Variants in MED15 observed in about 807,000 individuals in gnomAD.
MED15 encodes mediator of RNA polymerase II transcription subunit 15.
A neutral mutation model predicts 118.7 loss-of-function variants in MED15; 41 were observed. The observed-to-expected ratio is 0.35, with a 90% CI of 0.27 to 0.45. The LOEUF is 0.45. Among genes scored for constraint, MED15 ranks in the 20% least tolerant of loss-of-function variants. MED15 has a pLI of 1.00. For missense variants in MED15, 740 were observed against 1,025.5 expected, an observed-to-expected ratio of 0.72 and a Z score of 3.80; for synonymous variants, 436 against 413.9, an observed-to-expected ratio of 1.05 and a Z score of -0.65.
intron 1 of MED15, among the ~76,000 whole-genome samples, chr22:20,519,690 G>A (rs2054380930): frequency 6.6e-6 from 1 of 152,084 alleles, no homozygotes; most frequent in Non-Finnish European, 1.5e-5. Context: ...TCTGACCTCA[G>A]GTGATCTGCC....
intron 1 of MED15, among the ~76,000 whole-genome samples, chr22:20,536,374 A>G (rs2055082269): frequency 6.6e-6 from 1 of 151,900 alleles, no homozygotes; most frequent in African/African-American, 2.4e-5. Context: ...TGGGTGGGGC[A>G]GCATGTGCTG....
At chr22:20,551,396 C>T (rs760662341) in intron 2 of MED15, 40 bp from the exon 3 acceptor site, 2 of 1,595,330 alleles carry the variant, frequency 1.3e-6, no homozygotes, top group Non-Finnish European at 1.7e-6. Context: ...GACTGCGCTT[C>T]TTCATCTGGT....
intron 1 of MED15, chr22:20,523,576 C>T: frequency 1.2e-6 from 1 of 863,584 alleles, no homozygotes; most frequent in Non-Finnish European, 1.4e-6. Context: ...TCGAGCTTCC[C>T]CACCCCCACC....
At chr22:20,542,894 G>C (rs928889263) in intron 2 of MED15, among the ~76,000 whole-genome samples, 2 of 152,124 alleles carry the variant, frequency 1.3e-5, no homozygotes, top group African/African-American at 4.8e-5. Flanking sequence ...TGATTGAGGG[G>C]ATTCATGAGT....
At chr22:20,507,776 T>C in intron 1 of MED15, 30 bp downstream of exon 1, 2 of 1,613,546 alleles carry the variant, frequency 1.2e-6, no homozygotes, top group African/African-American at 1.3e-5. Context: ...GGGGGCTGGA[T>C]TGTGGGACCT....
chr22:20,583,102 G>C lies in MED15; in HGVS notation c.1538-11G>C. ...TCGAGGGCTGTGGCCTCACCCGCCTGTGTCCTGCAGTGAACCCCAGCTCTG... is the reference window on the plus strand; with the variant it reads ...TCGAGGGCTGTGGCCTCACCCGCCTCTGTCCTGCAGTGAACCCCAGCTCTG... On this transcript the variant is annotated splice_polypyrimidine_tract_variant and intron_variant, in intron 11 of 17. Coordinates refer to ENST00000263205, the MANE Select transcript of MED15 (RefSeq NM_001003891.3). 2 of 1,578,712 alleles carry C rather than the reference G, an allele frequency of 1.3e-6. No homozygotes were observed. Among genetic ancestry groups the C allele is most frequent in the Non-Finnish European group, 1.7e-6 (2 of 1,160,654 alleles).
At chr22:20,509,883 G>A (rs1330720556) in intron 1 of MED15, among the ~76,000 whole-genome samples, 1 of 152,138 alleles carries the variant, frequency 6.6e-6, no homozygotes, top group Non-Finnish European at 1.5e-5. Context: ...GGAAGGGTGA[G>A]TTGTCATCAA....
At chr22:20,569,840 C>T (rs1366686396) in intron 8 of MED15, among the ~76,000 whole-genome samples, 1 of 152,090 alleles carries the variant, frequency 6.6e-6, no homozygotes, top group African/African-American at 2.4e-5. Context: ...CTGCCACCTC[C>T]CTGTGTGTCT....
intron 2 of MED15, among the ~76,000 whole-genome samples, chr22:20,547,851 T>A (rs1218536743): frequency 2.6e-5 from 4 of 151,376 alleles, no homozygotes; most frequent in Non-Finnish European, 5.9e-5. Flanking sequence ...ATAAATAAAT[T>A]AGCTGGACAT....
intron 9 of MED15, 151 bp downstream of exon 9, chr22:20,575,383 TAAA>T: frequency 1.2e-6 from 1 of 862,232 alleles, no homozygotes; most frequent in Non-Finnish European, 1.7e-6. Flanking sequence ...TTTTTTTTTT[TAAA>T]TGAAGCCAAG....
chr22:20,553,006 C>G (rs1411455134), intron 3 of MED15, 139 bp from the exon 4 acceptor site: 1 of 727,466 alleles, frequency 1.4e-6, no homozygotes, highest in Admixed American at 2.8e-5. Context: ...AGAAACACTT[C>G]CCCCAGTAGT....
chr22:20,551,285 G>C (rs755761187), intron 2 of MED15, 151 bp from the exon 3 acceptor site: 1 of 790,616 alleles, frequency 1.3e-6, no homozygotes, highest in South Asian at 1.4e-5. Flanking sequence ...TCTTCCGAGA[G>C]GCGGATTCCA....
intron 1 of MED15, among the ~76,000 whole-genome samples, chr22:20,511,988 C>CTTT (rs746240328): frequency 1.1e-4 from 10 of 92,192 alleles, no homozygotes; most frequent in East Asian, 7.1e-4. Flanking sequence ...ACATTCTAAG[C>CTTT]TTTTTTTTTT....
chr22:20,560,422 G>A (rs1023060955), intron 5 of MED15, among the ~76,000 whole-genome samples: 4 of 152,074 alleles, frequency 2.6e-5, no homozygotes, highest in Non-Finnish European at 2.9e-5. Flanking sequence ...GCGCCACTAC[G>A]CCCAGCTAAT....
chr22:20,553,651 TC>T (rs1454932889), intron 4 of MED15, among the ~76,000 whole-genome samples: 3 of 152,142 alleles, frequency 2.0e-5, no homozygotes, highest in Admixed American at 1.3e-4. Context: ...GGCAGGCAGA[TC>T]AGTTGAGGTC....
intron 1 of MED15, among the ~76,000 whole-genome samples, chr22:20,532,587 C>G (rs983390764): frequency 3.3e-5 from 5 of 152,198 alleles, no homozygotes; most frequent in African/African-American, 1.2e-4. Context: ...CAGTTCACAG[C>G]AAGGGACTGT....
intron 1 of MED15, among the ~76,000 whole-genome samples, chr22:20,530,510 G>A (rs2054813652): frequency 6.6e-6 from 1 of 152,110 alleles, no homozygotes; most frequent in Admixed American, 6.6e-5. Context: ...TGGCTGTCCT[G>A]GGAATTCATG....
Position 20,586,958 on chromosome 22 carries a change from G to T in MED15, c.*254G>T. On this transcript the variant is annotated 3_prime_UTR_variant, in exon 18 of 18. Coordinates refer to ENST00000263205, the MANE Select transcript of MED15 (RefSeq NM_001003891.3). ...CCCTCCATGTGACTTCCTCCCAGGA[G>T]CCAGATGCGATCCTCAGGCTGCTCT... 1 of 562,734 alleles carries T rather than the reference G, an allele frequency of 1.8e-6. No homozygotes were observed. The highest frequency in any genetic ancestry group is 3.0e-5 in the East Asian group (1 of 33,466). 34.9% of individuals were successfully genotyped at this position (562,734 alleles called of 1,614,324 possible). A position where few individuals can be genotyped will look rare whatever the true frequency, so the allele number is the denominator to read the frequency against.
intron 17 of MED15, among the ~76,000 whole-genome samples, chr22:20,586,249 AC>A (rs1037040190): frequency 3.3e-5 from 5 of 152,126 alleles, no homozygotes; most frequent in Non-Finnish European, 7.4e-5. Context: ...TCCAGAGAGA[AC>A]CACGGTGGCA....
Sources: gnomAD v4.1 joint callset for allele counts (sites outside exome capture counted in the v4.1 genomes callset) on GRCh38, gnomAD v4.1.1 for gene constraint, MANE v1.5 for transcripts, NCBI Gene and HGNC (gene_info 2026-07-23, HGNC 2026-07-21) for gene names.